The following DLG1 variants were observed in gnomAD, a reference collection of about 807,000 sequenced individuals.
The protein encoded by DLG1 is discs large MAGUK scaffold protein 1.
In DLG1, 42 loss-of-function variants were observed where a neutral mutation model predicts 123.4. The ratio of observed to expected loss-of-function variants is 0.34; its 90% confidence interval spans 0.27 to 0.44. DLG1 has a LOEUF of 0.44. Among genes scored for constraint, DLG1 ranks in the 20% least tolerant of loss-of-function variants. The probability of loss-of-function intolerance (pLI) is 1.00; values close to 1 mark genes in which losing one functional copy is unlikely to be tolerated. For synonymous variants in DLG1, 317 were observed against 356.2 expected (o/e 0.89, Z 1.24); for missense variants, 942 against 1,082.6 (o/e 0.87, Z 1.82).
chr3:197,208,944 A>AT (rs1164783422), intron 4 of DLG1, among the ~76,000 whole-genome samples: 5 of 146,458 alleles, frequency 3.4e-5, no homozygotes, highest in African/African-American at 1.2e-4. Flanking sequence ...TAAAACAATC[A>AT]TTACAGGAGA....
chr3:197,284,649 T>A (rs1770943175), intron 3 of DLG1, among the ~76,000 whole-genome samples: 2 of 152,200 alleles, frequency 1.3e-5, no homozygotes, highest in African/African-American at 4.8e-5. Context: ...CATTTTTATT[T>A]ACTACCCTGC....
At chr3:197,061,734 T>C (rs78115308) in intron 22 of DLG1, among the ~76,000 whole-genome samples, 6,109 of 152,290 alleles carry the variant, frequency 0.04, 171 homozygotes, top group South Asian at 0.051. Flanking sequence ...ACAGACATAA[T>C]GTGTGTCCTT....
intron 14 of DLG1, among the ~76,000 whole-genome samples, chr3:197,093,043 T>C (rs1758602975): frequency 6.6e-6 from 1 of 152,170 alleles, no homozygotes; most frequent in Non-Finnish European, 1.5e-5. Context: ...TATGTCAACA[T>C]TTAAACAATA....
At chr3:197,085,413 T>C (rs1753730821) in intron 16 of DLG1, 167 bp downstream of exon 16, 4 of 664,152 alleles carry the variant, frequency 6.0e-6, no homozygotes, top group South Asian at 1.9e-5. Flanking sequence ...CTACTTTAGA[T>C]TTCACATAAA....
rs565057332 is a variant in DLG1 at position 197,071,878 on chromosome 3, T to A, written c.2006-2618A>T. On this transcript the variant is annotated intron_variant, in intron 18 of 24. Coordinates refer to ENST00000667157, the MANE Select transcript of DLG1 (RefSeq NM_001366207.1). ...AACTAGAAAACTAATTGGCAATAGC[T>A]ACTAAGGCTGGACAAATGTGTATCT... 5.9e-5 allele frequency among the ~76,000 whole-genome samples: 9 copies of A among 152,312 alleles called. No individual in the cohort carries two copies. The South Asian group carries it at 1.9e-3, about 32-fold the overall frequency.
intron 4 of DLG1, among the ~76,000 whole-genome samples, chr3:197,227,196 A>G (rs918989055): frequency 6.6e-6 from 1 of 152,176 alleles, no homozygotes; most frequent in Admixed American, 6.5e-5. Context: ...AAGACTGTCA[A>G]CTTTTACAAA....
intron 10 of DLG1, 69 bp downstream of exon 10, chr3:197,136,473 T>TC: frequency 1.5e-6 from 2 of 1,344,958 alleles, no homozygotes; most frequent in East Asian, 4.7e-5. Flanking sequence ...ATGGAGAAAT[T>TC]CCAGTATCTA....
At chr3:197,205,180 C>G (rs746468250) in intron 4 of DLG1, among the ~76,000 whole-genome samples, 5 of 151,974 alleles carry the variant, frequency 3.3e-5, no homozygotes, top group Non-Finnish European at 5.9e-5. Flanking sequence ...AGGGAAAGGG[C>G]GTGGGAGGAA....
chr3:197,145,735 T>C (rs1048701694), intron 6 of DLG1, among the ~76,000 whole-genome samples: 1 of 152,102 alleles, frequency 6.6e-6, no homozygotes, highest in Non-Finnish European at 1.5e-5. Flanking sequence ...TTAATGCCAA[T>C]TCATGATGTA....
chr3:197,106,358 A>T (rs1280013684), intron 13 of DLG1, among the ~76,000 whole-genome samples: 1 of 152,150 alleles, frequency 6.6e-6, no homozygotes, highest in South Asian at 2.1e-4. Flanking sequence ...GTGAGCTGAG[A>T]TCACATCACT....
At chr3:197,066,570 A>G (rs1465415204) in intron 20 of DLG1, 134 bp downstream of exon 20, 5 of 511,466 alleles carry the variant, frequency 9.8e-6, no homozygotes, top group Non-Finnish European at 1.8e-5. Context: ...AAACACATGT[A>G]GTAAATTTCT....
At chr3:197,074,264 T>G (rs1326351149) in intron 18 of DLG1, among the ~76,000 whole-genome samples, 2 of 152,122 alleles carry the variant, frequency 1.3e-5, no homozygotes, top group Non-Finnish European at 2.9e-5. Context: ...AGCACAGAAA[T>G]CTATTATTCA....
chr3:197,090,471 G>A lies in DLG1; in HGVS notation c.1661+441C>T, dbSNP rs1033479498. On this transcript the variant is annotated intron_variant, in intron 15 of 24. Transcript: ENST00000667157. ...ATTTTCCAAATATGCATTATTTACC[G>A]AGGCTATTCACATTTTAAATTATTA... is the stretch of plus-strand genomic sequence containing the variant. 9.2e-5 allele frequency among the ~76,000 whole-genome samples: 14 copies of A among 152,040 alleles called. No individual in the cohort carries two copies. In the East Asian group the frequency reaches 2.5e-3, roughly 27 times the overall value.
At chr3:197,112,158 TC>T (rs763128595) in intron 13 of DLG1, among the ~76,000 whole-genome samples, 3 of 152,234 alleles carry the variant, frequency 2.0e-5, no homozygotes, top group Non-Finnish European at 4.4e-5. Context: ...GTTATTTTTT[TC>T]TTTTGTTGTT....
chr3:197,049,671 G>C (rs530400904), intron 24 of DLG1, among the ~76,000 whole-genome samples: 19 of 132,552 alleles, frequency 1.4e-4, no homozygotes, highest in African/African-American at 4.4e-4. Context: ...AGAATCGCTT[G>C]AACCCGGGAG....
chr3:197,121,369 G>A (rs1320032293), intron 11 of DLG1, among the ~76,000 whole-genome samples: 1 of 152,094 alleles, frequency 6.6e-6, no homozygotes, highest in Non-Finnish European at 1.5e-5. Context: ...ATATTAAGAT[G>A]AATGATTCAA....
At chr3:197,163,059 A>G (rs549550288) in intron 5 of DLG1, among the ~76,000 whole-genome samples, 2 of 152,384 alleles carry the variant, frequency 1.3e-5, no homozygotes, top group South Asian at 4.1e-4. Context: ...TAATTTCTGC[A>G]AAGAAGGTAT....
intron 5 of DLG1, among the ~76,000 whole-genome samples, chr3:197,152,684 A>AC (rs1037146879): frequency 6.9e-6 from 1 of 145,530 alleles, no homozygotes; most frequent in Admixed American, 7.1e-5. Flanking sequence ...AATGGTGTGA[A>AC]CCCAGGAGGT....
chr3:197,170,140 T>A (rs1262199969), intron 5 of DLG1, among the ~76,000 whole-genome samples: 2 of 152,216 alleles, frequency 1.3e-5, no homozygotes, highest in African/African-American at 4.8e-5. Flanking sequence ...ATGTGCCACA[T>A]TTTCTTTATC....
Sources: allele counts gnomAD v4.1 joint callset (sites outside exome capture counted in the v4.1 genomes callset), GRCh38; gene constraint gnomAD v4.1.1; transcripts MANE v1.5; gene names NCBI Gene and HGNC (gene_info 2026-07-23, HGNC 2026-07-21).